CCDC7: variants seen among roughly 807,000 people sequenced by gnomAD.
The protein encoded by CCDC7 is coiled-coil domain containing 7, also known as coiled-coil domain-containing protein 7.
Under a neutral mutation model 196.9 loss-of-function variants are expected in CCDC7, and 183 were observed. The ratio of observed to expected loss-of-function variants is 0.93; its 90% CI spans 0.82 to 1.05. The LOEUF is 1.05. Among genes scored for constraint, CCDC7 ranks in the 50% least tolerant of loss-of-function variants. The pLI is 0.00. For synonymous variants in CCDC7, 525 were observed against 484.6 expected, an observed-to-expected ratio of 1.08 and a Z score of -1.10; for missense variants, 1,540 against 1,482.2, an observed-to-expected ratio of 1.04 and a Z score of -0.64.
At chr10:32,523,731 CT>C (rs140620028) in intron 11 of CCDC7, among the ~76,000 whole-genome samples, 20,314 of 151,746 alleles carry the variant, frequency 0.13, 1,605 homozygotes, top group African/African-American at 0.22. Flanking sequence ...ATATAATGAC[CT>C]TTTTTGTCTC....
intron 30 of CCDC7, 107 bp from the exon 32 acceptor site, chr10:32,814,263 T>C: frequency 1.2e-6 from 1 of 818,180 alleles, no homozygotes; most frequent in Non-Finnish European, 2.0e-6. Context: ...CAGCCACAAA[T>C]ATTTTAAGTT....
intron 41 of CCDC7, among the ~76,000 whole-genome samples, chr10:32,855,273 G>A (rs757522397): frequency 4.0e-5 from 6 of 151,618 alleles, no homozygotes; most frequent in Admixed American, 1.3e-4. Flanking sequence ...AGCAGGGACC[G>A]GTTTCGTGGA....
chr10:32,525,836 T>C lies in CCDC7; in HGVS notation c.993+7331T>C, dbSNP rs545953520. Among the ~76,000 whole-genome samples the C allele has an allele frequency of 9.2e-5, 14 of 152,334 alleles. No individual in the cohort carries two copies. The East Asian group carries it at 2.5e-3, about 27-fold the overall frequency. On this transcript the variant is annotated intron_variant, in intron 11 of 41. Transcript: ENST00000639629. Reference sequence around the variant, plus strand: ...GGATTACCAGGCAGGAACTTTTCTTTTTTTCCCTTACTTTCTCTCAAAGGA... The same window carrying C: ...GGATTACCAGGCAGGAACTTTTCTTCTTTTCCCTTACTTTCTCTCAAAGGA...
chr10:32,634,794 G>A (rs7908644), intron 19 of CCDC7, among the ~76,000 whole-genome samples: 21,581 of 152,166 alleles, frequency 0.14, 1,880 homozygotes, highest in African/African-American at 0.25. Flanking sequence ...TGACCTAAAT[G>A]TGAATACTGC....
At chr10:32,472,483 A>T (rs1444952871) in exon 7 of CCDC7, 1 of 1,582,250 alleles carries the variant, frequency 6.3e-7, no homozygotes, top group East Asian at 2.3e-5. Flanking sequence ...TTTAACAGGG[A>T]TAAAGAAAAT....
chr10:32,850,752 T>C lies in CCDC7; in HGVS notation c.3896-1055T>C, dbSNP rs11817324. ...CTTCTTTTGATTCAGAGATTTTTTT[T>C]GAAATGTCACTTGTCTCTGACAACA... On this transcript the variant is annotated intron_variant, in intron 39 of 41. Coordinates refer to ENST00000639629, the Ensembl canonical transcript of CCDC7. 8.2e-3 allele frequency among the ~76,000 whole-genome samples: 1,247 copies of C among 151,418 alleles called. 16 individuals carry two copies. The highest frequency in any genetic ancestry group is 0.014 in the Non-Finnish European group (957 of 67,940).
chr10:32,695,472 A>G (rs1460346032), intron 24 of CCDC7, among the ~76,000 whole-genome samples: 1 of 152,196 alleles, frequency 6.6e-6, no homozygotes, highest in African/African-American at 2.4e-5. Flanking sequence ...GGCTTCACCT[A>G]AGGGTAGAGG....
intron 15 of CCDC7, among the ~76,000 whole-genome samples, chr10:32,568,155 C>T (rs767372645): frequency 5.1e-4 from 77 of 151,730 alleles, no homozygotes; most frequent in Non-Finnish European, 4.3e-4. Context: ...TACAGGCATG[C>T]GCCACCATGC....
intron 13 of CCDC7, among the ~76,000 whole-genome samples, chr10:32,553,612 C>A (rs561373351): frequency 6.6e-6 from 1 of 152,098 alleles, no homozygotes; most frequent in Non-Finnish European, 1.5e-5. Flanking sequence ...GGGGTGTTCC[C>A]TTGATGTAGT....
At chr10:32,699,814 G>A (rs1344384743) in intron 24 of CCDC7, among the ~76,000 whole-genome samples, 1 of 149,564 alleles carries the variant, frequency 6.7e-6, no homozygotes, top group Non-Finnish European at 1.5e-5. Context: ...GTGATGATGA[G>A]CATTTTTTCA....
chr10:32,821,344 A>G (rs2090147167), intron 31 of CCDC7, among the ~76,000 whole-genome samples: 2 of 152,108 alleles, frequency 1.3e-5, no homozygotes, highest in Non-Finnish European at 1.5e-5. Context: ...AGAAATAGGA[A>G]CACTTTTACA....
chr10:32,818,046 T>C (rs1455077289), intron 31 of CCDC7, among the ~76,000 whole-genome samples: 2 of 152,068 alleles, frequency 1.3e-5, no homozygotes, highest in African/African-American at 4.8e-5. Flanking sequence ...GACTGGCAAA[T>C]TGGATAAAGA....
chr10:32,623,606 A>G (rs1459367036), intron 18 of CCDC7: 1 of 431,304 alleles, frequency 2.3e-6, no homozygotes, highest in Non-Finnish European at 4.6e-6. Context: ...AATAAATACT[A>G]TTAAGAACTC....
At chr10:32,735,960 A>C (rs1330483717) in intron 28 of CCDC7, among the ~76,000 whole-genome samples, 2 of 152,086 alleles carry the variant, frequency 1.3e-5, no homozygotes, top group South Asian at 4.1e-4. Context: ...TCTTTGTAAA[A>C]ATTTGTTGAC....
exon 3 of CCDC7, chr10:32,456,313 A>G (rs1338297116): frequency 1.3e-6 from 2 of 1,573,444 alleles, no homozygotes; most frequent in Non-Finnish European, 1.7e-6. Context: ...AGCTAGAAGA[A>G]GCACTTAAAG....
chr10:32,865,187 A>G (rs1240062265), intron 41 of CCDC7, among the ~76,000 whole-genome samples: 1 of 151,906 alleles, frequency 6.6e-6, no homozygotes, highest in African/African-American at 2.4e-5. Context: ...TTTATAATAC[A>G]TATAGCTTAT....
intron 28 of CCDC7, among the ~76,000 whole-genome samples, chr10:32,734,758 G>A (rs11599358): frequency 0.076 from 11,505 of 151,924 alleles, 529 homozygotes; most frequent in East Asian, 0.16. Context: ...TTAGCCAGGT[G>A]TGGTGGCATG....
intron 20 of CCDC7, 108 bp downstream of exon 21, chr10:32,635,266 T>C (rs1412352128): frequency 1.0e-5 from 4 of 385,348 alleles, no homozygotes; most frequent in Non-Finnish European, 1.8e-5. Context: ...ATTTTGTGTA[T>C]ACTTCTAGAT....
chr10:32,869,368 T>C (rs561588343), intron 41 of CCDC7, among the ~76,000 whole-genome samples: 221 of 152,330 alleles, frequency 1.5e-3, no homozygotes, highest in African/African-American at 5.1e-3. Flanking sequence ...AAATGTCTTC[T>C]TTTGAGAAGT....
Sources: gnomAD v4.1 joint callset for allele counts (sites outside exome capture counted in the v4.1 genomes callset) on GRCh38, gnomAD v4.1.1 for gene constraint, MANE v1.5 for transcripts, NCBI Gene and HGNC (gene_info 2026-07-23, HGNC 2026-07-21) for gene names.